The following TRMT1L variants were observed in gnomAD, a reference collection of about 807,000 sequenced individuals.
TRMT1L encodes tRNA (guanine(27)-N(2))-dimethyltransferase.
A neutral mutation model predicts 81.6 loss-of-function variants in TRMT1L; 28 were observed. The observed-to-expected ratio is 0.34, with a 90% CI of 0.25 to 0.47. The LOEUF (loss-of-function observed/expected upper bound fraction) is 0.47, where lower values mean the gene tolerates loss of function less well. TRMT1L is among the 20% of genes least tolerant of loss of function. TRMT1L has a pLI of 1.00. For synonymous variants in TRMT1L, 301 were observed against 303.2 expected (o/e 0.99, Z 0.07); for missense variants, 739 against 877.1 (o/e 0.84, Z 1.99).
chr1:185,127,585 C>T (rs1033135343), intron 11 of TRMT1L, among the ~76,000 whole-genome samples: 10 of 151,608 alleles, frequency 6.6e-5, no homozygotes, highest in South Asian at 6.3e-4. Context: ...TGGAGAAACC[C>T]GGTCTCTACT....
intron 13 of TRMT1L, among the ~76,000 whole-genome samples, chr1:185,122,193 C>T (rs1652516660): frequency 6.6e-6 from 1 of 152,134 alleles, no homozygotes; most frequent in Non-Finnish European, 1.5e-5. Flanking sequence ...TGATGATGGG[C>T]ACCTAGGTTG....
At chr1:185,147,037 C>T (rs1489966563) in intron 4 of TRMT1L, 145 bp downstream of exon 4, 1 of 459,644 alleles carries the variant, frequency 2.2e-6, no homozygotes, top group Non-Finnish European at 3.8e-6. Context: ...ATAGTTTTCC[C>T]ATTATGATAA....
intron 10 of TRMT1L, among the ~76,000 whole-genome samples, chr1:185,132,939 C>T (rs1229815281): frequency 6.6e-6 from 1 of 152,058 alleles, no homozygotes; most frequent in Non-Finnish European, 1.5e-5. Context: ...AGAAAATTTC[C>T]AGGATGATGG....
chr1:185,122,429 A>AT (rs1304835067), intron 13 of TRMT1L, among the ~76,000 whole-genome samples: 10 of 150,358 alleles, frequency 6.7e-5, no homozygotes, highest in African/African-American at 9.8e-5. Context: ...TTAAAAACAA[A>AT]TTTTTTTTTT....
intron 3 of TRMT1L, among the ~76,000 whole-genome samples, chr1:185,148,082 A>C (rs1653236280): frequency 6.6e-6 from 1 of 152,140 alleles, no homozygotes; most frequent in Admixed American, 6.5e-5. Context: ...GTATATGCTG[A>C]AGTGCTCCAA....
chr1:185,141,573 A>G (rs2102247356), intron 7 of TRMT1L, among the ~76,000 whole-genome samples: 1 of 152,198 alleles, frequency 6.6e-6, no homozygotes, highest in Non-Finnish European at 1.5e-5. Flanking sequence ...GCGTGGTGGT[A>G]GGCGCCTGTC....
Position 185,140,016 on chromosome 1 carries a change from T to C in TRMT1L, c.1066A>G (p.Met356Val). Reference sequence around the variant, plus strand: ...AAATGCATCAGTACATTGGCATCCATTTTGGTCACCTTAATATTACCAAGA... The same window carrying C: ...AAATGCATCAGTACATTGGCATCCACTTTGGTCACCTTAATATTACCAAGA... Reference protein sequence around the residue: ...KNLGNIKVTKMDANVLMHLRS... With the variant: ...KNLGNIKVTKVDANVLMHLRS... Residue 356 changes from methionine to valine, a missense_variant, in exon 8 of 15, where the codon ATG becomes GTG. Transcript: ENST00000367506. The C allele has an allele frequency of 1.2e-6, 2 of 1,613,662 alleles. No individual in the cohort carries two copies. The highest frequency in any genetic ancestry group is 1.7e-6 in the Non-Finnish European group (2 of 1,179,742).
In TRMT1L at chr1:185,156,525, G is replaced by C; in HGVS notation, c.188C>G (p.Pro63Arg). 1 of 1,612,848 alleles carries C rather than the reference G, an allele frequency of 6.2e-7. No individual in the cohort carries two copies. Among genetic ancestry groups the C allele is most frequent in the Non-Finnish European group, 8.5e-7 (1 of 1,179,420 alleles). ...AGAGGCTAGGGACGGGGACAGGGCC[G>C]GAGCCTGGGCCAGGGCAGGGGCTGG... is the stretch of plus-strand genomic sequence containing the variant. ...PAPAPALAQA[P>R]ALSPSLASAP... The change falls in exon 1 of 15, where the codon CCG becomes CGG. Residue 63 changes from proline to arginine, a missense_variant. This residue lies in a region of TRMT1L where 209 missense variants were observed against 165.4 expected (regional missense o/e 1.26). Transcript: ENST00000367506.
chr1:185,120,954 T>C (rs1471256800), intron 13 of TRMT1L: 1 of 153,142 alleles, frequency 6.5e-6, no homozygotes, highest in Non-Finnish European at 1.5e-5. Flanking sequence ...CCTGTATTTC[T>C]ACTGAGTGAT....
At position 185,147,169 on chromosome 1, in the gene TRMT1L, A is replaced by G. The variant is rs1021060805; in HGVS notation, c.525+13T>C. On this transcript the variant is annotated intron_variant, in intron 4 of 14. Coordinates refer to ENST00000367506, the MANE Select transcript of TRMT1L (RefSeq NM_030934.5). ...ACTAAATTTAAAAATAAAAAAATCT[A>G]ATATCTGATCACCTGTTCTCCAATA... 1.5e-5 allele frequency: 24 copies of G among 1,582,698 alleles called. No individual in the cohort carries two copies. Among genetic ancestry groups the G allele is most frequent in the Non-Finnish European group, 2.1e-5 (24 of 1,159,630 alleles).
At chr1:185,133,192 A>G (rs1279812477) in intron 10 of TRMT1L, among the ~76,000 whole-genome samples, 3 of 152,228 alleles carry the variant, frequency 2.0e-5, no homozygotes, top group Admixed American at 1.3e-4. Context: ...GAAGAGTTGC[A>G]TAAGAAAGGA....
At chr1:185,156,410 C>T in intron 1 of TRMT1L, 68 bp downstream of exon 1, 1 of 1,612,798 alleles carries the variant, frequency 6.2e-7, no homozygotes. Context: ...TGAAGGGCCT[C>T]CCCTACTTCC....
Position 185,135,515 on chromosome 1 carries a change from A to G in TRMT1L, c.1513+2091T>C, listed in dbSNP as rs1432398056. On this transcript the variant is annotated intron_variant, in intron 10 of 14. Transcript: ENST00000367506. ...AAATGGAAGAAAGGATAAATAAATG[A>G]AAGTATATAAGGGGAATATGACCAT... Among the ~76,000 whole-genome samples, 4 of 152,188 alleles carry G rather than the reference A, an allele frequency of 2.6e-5. No homozygotes were observed. The East Asian group carries it at 7.7e-4, about 29-fold the overall frequency.
At chr1:185,130,542 T>C (rs1420333576) in intron 10 of TRMT1L, among the ~76,000 whole-genome samples, 2 of 152,160 alleles carry the variant, frequency 1.3e-5, no homozygotes, top group African/African-American at 4.8e-5. Flanking sequence ...CATTAGTGTT[T>C]TGGGACCCTG....
chr1:185,129,999 C>T (rs1041094871), intron 10 of TRMT1L, among the ~76,000 whole-genome samples: 1 of 152,126 alleles, frequency 6.6e-6, no homozygotes, highest in Admixed American at 6.5e-5. Context: ...ACCCACTTAC[C>T]ACAGGCAGAG....
intron 4 of TRMT1L, among the ~76,000 whole-genome samples, chr1:185,146,296 G>T (rs532571698): frequency 3.9e-5 from 6 of 152,070 alleles, no homozygotes; most frequent in African/African-American, 1.2e-4. Context: ...GACATAATTA[G>T]AAGCGTACTT....
chr1:185,120,642 A>G (rs1652476898), intron 13 of TRMT1L, 133 bp from the exon 14 acceptor site: 2 of 799,446 alleles, frequency 2.5e-6, no homozygotes, highest in Non-Finnish European at 3.4e-6. Flanking sequence ...AATTCTTATA[A>G]TTTATTCTAT....
intron 12 of TRMT1L, among the ~76,000 whole-genome samples, chr1:185,124,524 C>T (rs944422552): frequency 1.3e-5 from 2 of 151,514 alleles, no homozygotes; most frequent in Admixed American, 6.6e-5. Context: ...ATGGTGAGAC[C>T]CCATCTCTAA....
chr1:185,140,752 G>T (rs1327612175), intron 7 of TRMT1L, among the ~76,000 whole-genome samples: 1 of 151,854 alleles, frequency 6.6e-6, no homozygotes, highest in Admixed American at 6.6e-5. Flanking sequence ...GCTGAGGCAG[G>T]TGGATCACTT....
Sources: allele counts gnomAD v4.1 joint callset (sites outside exome capture counted in the v4.1 genomes callset), GRCh38; gene constraint gnomAD v4.1.1; regional missense constraint gnomAD v4.1.1; transcripts MANE v1.5; gene names NCBI Gene and HGNC (gene_info 2026-07-23, HGNC 2026-07-21).